Variants in FLT4 observed in about 807,000 individuals in gnomAD.
The protein encoded by FLT4 is fms related receptor tyrosine kinase 4, also known as vascular endothelial growth factor receptor 3.
A neutral mutation model predicts 163.2 loss-of-function variants in FLT4; 30 were observed. The observed-to-expected ratio is 0.18, with a 90% CI of 0.14 to 0.25. The LOEUF is 0.25. Ranked by LOEUF, FLT4 falls within the 10% of genes least tolerant of loss-of-function variation. The probability of loss-of-function intolerance (pLI) is 1.00; values close to 1 mark genes in which losing one functional copy is unlikely to be tolerated. For missense variants in FLT4, 1,510 were observed against 1,863.8 expected (o/e 0.81, Z 3.50); for synonymous variants, 884 against 789.5 (o/e 1.12, Z -2.01).
In FLT4 at chr5:180,611,495, G is replaced by C. The variant is rs750692929; in HGVS notation, c.3538-16C>G. On this transcript the variant is annotated splice_polypyrimidine_tract_variant and intron_variant, in intron 26 of 29. Coordinates refer to ENST00000261937, the MANE Select transcript of FLT4 (RefSeq NM_182925.5). ...CCTCTTCCTCCTGGCGGGAACAGGAGAGGCAGCCAGGCCAGAAACCACCAG... is the reference window on the plus strand; with the variant it reads ...CCTCTTCCTCCTGGCGGGAACAGGACAGGCAGCCAGGCCAGAAACCACCAG... 4 of 1,612,506 alleles carry C rather than the reference G, an allele frequency of 2.5e-6. No individual in the cohort carries two copies. Among genetic ancestry groups the C allele is most frequent in the Non-Finnish European group, 3.4e-6 (4 of 1,179,700 alleles).
At position 180,603,244 on chromosome 5, in the gene FLT4, T is replaced by G. The variant is rs201336964; in HGVS notation, c.4040A>C (p.Asp1347Ala). Residue 1347 changes from aspartate (D) to alanine (A), a missense_variant, in exon 30 of 30, where the codon GAC becomes GCC. Physicochemically the swap from Asp to Ala is moderately radical, Grantham distance 126. Transcript: ENST00000261937. ...YGELSEPSEE[D>A]HCSPSARVTF... ...CACGCGGGCAGACGGGGAGCAGTGG[T>G]CCTCCTCGCTTGGCTCCGACAGCTC... 6 of 1,614,156 alleles carry G rather than the reference T, an allele frequency of 3.7e-6. No individual in the cohort carries two copies. Among genetic ancestry groups the G allele is most frequent in the Non-Finnish European group, 1.7e-6 (2 of 1,180,018 alleles).
chr5:180,603,068 A>T lies in FLT4; in HGVS notation c.*124T>A. The T allele has an allele frequency of 1.1e-6, 1 of 920,650 alleles. No homozygotes were observed. Among genetic ancestry groups the T allele is most frequent in the South Asian group, 1.4e-5 (1 of 70,294 alleles). The allele number at this position is 920,650 out of a possible 1,614,324, so 57.0% of individuals were successfully genotyped here. A position where few individuals can be genotyped will look rare whatever the true frequency, so the allele number is the denominator to read the frequency against. ...CTTCCTAGCTGGGAAGTCTGCAGAG[A>T]GGGAAGAGGACACTCCTGTGCCACC... On this transcript the variant is annotated 3_prime_UTR_variant, in exon 30 of 30. Coordinates refer to ENST00000261937, the MANE Select transcript of FLT4 (RefSeq NM_182925.5).
chr5:180,604,683 T>C (rs1016588910), intron 29 of FLT4, among the ~76,000 whole-genome samples: 1 of 152,212 alleles, frequency 6.6e-6, no homozygotes. Context: ...TTTCTTTGCA[T>C]TTTTTGAAGA....
Position 180,602,972 on chromosome 5 carries a change from G to T in FLT4, c.*220C>A, listed in dbSNP as rs1761591959. On this transcript the variant is annotated 3_prime_UTR_variant, in exon 30 of 30. Coordinates refer to ENST00000261937, the MANE Select transcript of FLT4 (RefSeq NM_182925.5). ...ATCTGAATCTCAGGGGGAGGGGCCG[G>T]GGCAGCTGGAGCGTGGCCCTGGCCA... 5.0e-6 allele frequency: 3 copies of T among 602,336 alleles called. No individual in the cohort carries two copies. The East Asian group carries it at 8.3e-5, about 17-fold the overall frequency. The allele number at this position is 602,336 out of a possible 1,614,324, so 37.3% of individuals were successfully genotyped here.
chr5:180,612,946 G>C (rs889004169), intron 25 of FLT4, 65 bp downstream of exon 25: 13 of 1,292,948 alleles, frequency 1.0e-5, no homozygotes, highest in Admixed American at 1.8e-5. Flanking sequence ...CCTTCTCATG[G>C]ACACAACCCC....
chr5:180,622,071 C>T (rs987671083), intron 12 of FLT4, among the ~76,000 whole-genome samples, 167 bp from the exon 13 acceptor site: 1 of 150,188 alleles, frequency 6.7e-6, no homozygotes, highest in African/African-American at 2.4e-5. Context: ...ATCAGGAGTT[C>T]CTTGTCACCC....
chr5:180,635,938 T>C (rs1304044612), intron 1 of FLT4, among the ~76,000 whole-genome samples: 1 of 89,922 alleles, frequency 1.1e-5, no homozygotes, highest in Non-Finnish European at 2.2e-5. Flanking sequence ...GATGGACGGA[T>C]GGAAGTATGG....
At position 180,620,675 on chromosome 5, in the gene FLT4, G is replaced by A. The variant is rs897469027; in HGVS notation, c.2340C>T (p.Val780=). 3 of 1,613,560 alleles carry A rather than the reference G, an allele frequency of 1.9e-6. No individual in the cohort carries two copies. Among genetic ancestry groups the A allele is most frequent in the Non-Finnish European group, 2.5e-6 (3 of 1,179,980 alleles). The change falls in exon 16 of 30, where the codon GTC becomes GTT. Residue 780 remains valine (V), a synonymous_variant. Transcript: ENST00000261937. The surrounding 1 kb of genome is among the most constrained non-coding windows in gnomAD (Gnocchi z 4.4). ...AGAAGACAGCGATGACGCCGGTACC[G>A]ACAAGGATCACGATCTCCATGCTGC... The part of the protein sequence containing the change: ...DKGSMEIVIL[V]GTGVIAVFFW...
At chr5:180,622,523 G>A (rs952357804) in intron 12 of FLT4, among the ~76,000 whole-genome samples, 2 of 152,150 alleles carry the variant, frequency 1.3e-5, no homozygotes, top group Admixed American at 6.5e-5. Context: ...GGAGCCCCAG[G>A]GTTGGGGACA....
rs1015179607 is a variant in FLT4 at position 180,601,659 on chromosome 5, G to A, written c.*1533C>T. On this transcript the variant is annotated 3_prime_UTR_variant, in exon 30 of 30. Coordinates refer to ENST00000261937, the MANE Select transcript of FLT4 (RefSeq NM_182925.5). ...TGAGGAGAAGGGAGCAGAGGTGCGC[G>A]CCAGGAGCCAGGCTGGTTCTCTGCA... 8.6e-6 allele frequency: 2 copies of A among 233,204 alleles called. No homozygotes were observed. The highest frequency in any genetic ancestry group is 5.6e-5 in the Admixed American group (1 of 17,768). The allele number at this position is 233,204 out of a possible 1,614,324, so 14.4% of individuals were successfully genotyped here. A position where few individuals can be genotyped will look rare whatever the true frequency, so the allele number is the denominator to read the frequency against.
chr5:180,613,416 G>C, intron 24 of FLT4: 1 of 367,408 alleles, frequency 2.7e-6, no homozygotes, highest in Non-Finnish European at 4.9e-6. Flanking sequence ...ATCAGCGGCG[G>C]GGGAGCCGCC....
chr5:180,601,595 C>T lies in FLT4; in HGVS notation c.*1597G>A, dbSNP rs986979864. 8.6e-6 allele frequency: 2 copies of T among 233,038 alleles called. No individual in the cohort carries two copies. The highest frequency in any genetic ancestry group is 2.2e-5 in the African/African-American group (1 of 45,272). 14.4% of individuals were successfully genotyped at this position (233,038 alleles called of 1,614,324 possible). On this transcript the variant is annotated 3_prime_UTR_variant, in exon 30 of 30. Coordinates refer to ENST00000261937, the MANE Select transcript of FLT4 (RefSeq NM_182925.5). ...TTTCTCAGAACATGGTCTAGAAGGG[C>T]ATAGTAGTTTTTTTCCCGGTACATG...
intron 1 of FLT4, among the ~76,000 whole-genome samples, chr5:180,647,878 C>T (rs906250716): frequency 1.3e-5 from 2 of 152,172 alleles, no homozygotes; most frequent in East Asian, 1.9e-4. Context: ...CTTCACCCCA[C>T]GTCCCTCTGT....
At chr5:180,631,640 G>C (rs766464088) in intron 2 of FLT4, 42 bp downstream of exon 2, 9 of 1,496,896 alleles carry the variant, frequency 6.0e-6, no homozygotes, top group South Asian at 2.2e-5. Flanking sequence ...CCTTGGGCTT[G>C]TGCAGCCTCT....
Position 180,636,341 on chromosome 5 carries a change from G to C in FLT4, c.59-4563C>G, listed in dbSNP as rs1324883918. ...TCCCTTCCTGCCTTATGTGAAGCCT[G>C]GCTTTCTGGCCACGGCACTGGCCCT... is the stretch of plus-strand genomic sequence containing the variant. On this transcript the variant is annotated intron_variant, in intron 1 of 29. Transcript: ENST00000261937. The surrounding 1 kb of genome is among the most constrained non-coding windows in gnomAD (Gnocchi z 4.3). Among the ~76,000 whole-genome samples the C allele has an allele frequency of 6.6e-6, 1 of 152,088 alleles. No individual in the cohort carries two copies. Among genetic ancestry groups the C allele is most frequent in the Non-Finnish European group, 1.5e-5 (1 of 67,998 alleles).
chr5:180,639,020 T>G, intron 1 of FLT4, among the ~76,000 whole-genome samples: 1 of 2,202 alleles, frequency 4.5e-4, no homozygotes, highest in African/African-American at 2.3e-3. Flanking sequence ...TATGGATGGA[T>G]GGGTGGGTGG....
chr5:180,628,852 G>T (rs760075503), intron 8 of FLT4, 30 bp downstream of exon 8: 2 of 1,458,030 alleles, frequency 1.4e-6, no homozygotes, highest in Non-Finnish European at 1.9e-6. Flanking sequence ...AAGGGTATCG[G>T]CGGGGTCGGT....
At chr5:180,619,831 C>CTCCCCCGCCGCCCACCT in intron 17 of FLT4, 62 bp from the exon 18 acceptor site, 1 of 1,300,236 alleles carries the variant, frequency 7.7e-7, no homozygotes, top group Non-Finnish European at 1.1e-6. Flanking sequence ...GACAGGTGGG[C>CTCCCCCGCCGCCCACCT]GGCGGGGGAG....
intron 12 of FLT4, among the ~76,000 whole-genome samples, chr5:180,622,200 C>T (rs573955583): frequency 1.2e-4 from 18 of 152,270 alleles, no homozygotes; most frequent in African/African-American, 4.3e-4. Context: ...CCTCTTGTCT[C>T]TCTGGTCACT....
Sources: gnomAD v4.1 joint callset for allele counts (sites outside exome capture counted in the v4.1 genomes callset) on GRCh38, gnomAD v4.1.1 for gene constraint, Gnocchi (gnomAD v3.1) non-coding constraint, MANE v1.5 for transcripts, NCBI Gene and HGNC (gene_info 2026-07-23, HGNC 2026-07-21) for gene names.